RANBP2: variants seen among roughly 807,000 people sequenced by gnomAD.
The protein encoded by RANBP2 is RAN binding protein 2, also known as E3 SUMO-protein ligase RanBP2.
In RANBP2, 57 loss-of-function variants were observed where a neutral mutation model predicts 303.6. That is an observed-to-expected ratio of 0.19 (90% confidence interval 0.15 to 0.23). The LOEUF is 0.23. RANBP2 is among the 10% of genes least tolerant of loss of function. The pLI, the probability that RANBP2 is intolerant of heterozygous loss-of-function variation, is 1.00. For missense variants in RANBP2, 3,138 were observed against 3,780.8 expected, an observed-to-expected ratio of 0.83 and a Z score of 4.46; for synonymous variants, 1,167 against 1,301.5, an observed-to-expected ratio of 0.90 and a Z score of 2.23.
At chr2:108,814,722 G>A in the RANBP2 span, among the ~76,000 whole-genome samples, 1 of 148,486 alleles carries the variant, frequency 6.7e-6, no homozygotes, top group Non-Finnish European at 1.5e-5. Context: ...AGGCTGGAGT[G>A]CAGTGGTGCA....
the RANBP2 span, among the ~76,000 whole-genome samples, chr2:108,913,998 T>G: frequency 6.7e-6 from 1 of 149,182 alleles, no homozygotes; most frequent in Admixed American, 6.7e-5. Flanking sequence ...CGGTAGCTCA[T>G]GCCTATAATC....
At chr2:109,419,741 G>T in the RANBP2 span, 1 of 1,153,918 alleles carries the variant, frequency 8.7e-7, no homozygotes, top group Non-Finnish European at 1.2e-6. Flanking sequence ...GTTTTCCCAT[G>T]TGTTACTAGT....
At chr2:109,145,690 C>T in the RANBP2 span, among the ~76,000 whole-genome samples, 5 of 152,230 alleles carry the variant, frequency 3.3e-5, no homozygotes, top group Admixed American at 6.5e-5. Context: ...GGTTGTTTTA[C>T]AGGTCTTGGG....
chr2:109,318,835 G>A, the RANBP2 span, among the ~76,000 whole-genome samples: 15 of 152,356 alleles, frequency 9.8e-5, no homozygotes, highest in Non-Finnish European at 2.2e-4. Flanking sequence ...GGCAGACATT[G>A]GCTTGGAGAA....
chr2:108,944,975 C>T, the RANBP2 span, among the ~76,000 whole-genome samples: 1 of 152,172 alleles, frequency 6.6e-6, no homozygotes, highest in African/African-American at 2.4e-5. Flanking sequence ...GTGCAAAGGG[C>T]AAGGTTTCAG....
chr2:108,779,245 C>G (rs1678080938), intron 25 of RANBP2, among the ~76,000 whole-genome samples: 1 of 152,118 alleles, frequency 6.6e-6, no homozygotes, highest in African/African-American at 2.4e-5. Context: ...TTACTGCAAC[C>G]TCTGCTTGCT....
At chr2:109,509,138 A>G in the RANBP2 span, among the ~76,000 whole-genome samples, 1 of 152,274 alleles carries the variant, frequency 6.6e-6, no homozygotes, top group East Asian at 1.9e-4. Context: ...CTACTCATTC[A>G]TTCAACAGCT....
the RANBP2 span, chr2:109,615,867 G>C: frequency 1.2e-6 from 2 of 1,613,866 alleles, no homozygotes; most frequent in South Asian, 2.2e-5. Flanking sequence ...AGGGCGCAAA[G>C]CCTCGGGCAG....
At chr2:109,538,823 T>C in the RANBP2 span, among the ~76,000 whole-genome samples, 75 of 152,330 alleles carry the variant, frequency 4.9e-4, no homozygotes, top group African/African-American at 1.3e-3. Flanking sequence ...CTGGCCTGCA[T>C]TGTCTTTGTT....
the RANBP2 span, chr2:109,251,765 T>C: frequency 3.5e-6 from 2 of 565,550 alleles, no homozygotes; most frequent in Admixed American, 5.9e-5. Flanking sequence ...AATAAACTTT[T>C]GTAATAGTCA....
At chr2:109,713,253 C>T in the RANBP2 span, among the ~76,000 whole-genome samples, 18 of 152,296 alleles carry the variant, frequency 1.2e-4, no homozygotes, top group African/African-American at 4.3e-4. Context: ...TACGAATCTC[C>T]AGGACAGGTT....
the RANBP2 span, among the ~76,000 whole-genome samples, chr2:109,334,271 T>C: frequency 6.7e-6 from 1 of 149,844 alleles, no homozygotes; most frequent in Non-Finnish European, 1.5e-5. Context: ...GGTGGGAGGA[T>C]TGCTTGAGCC....
the RANBP2 span, among the ~76,000 whole-genome samples, chr2:109,165,184 C>T: frequency 2.7e-5 from 3 of 111,170 alleles, no homozygotes; most frequent in South Asian, 1.2e-3. Flanking sequence ...ATTAAATCAT[C>T]ACCCTCAAAA....
chr2:109,293,863 C>T, the RANBP2 span, among the ~76,000 whole-genome samples: 14 of 152,216 alleles, frequency 9.2e-5, no homozygotes, highest in Non-Finnish European at 1.6e-4. Flanking sequence ...TCCTCTACCT[C>T]ACATTTCCCT....
In RANBP2 at chr2:108,782,560, A is replaced by C. The variant is rs754606906; in HGVS notation, c.9067A>C (p.Arg3023=). The C allele has an allele frequency of 6.2e-7, 1 of 1,614,218 alleles. No homozygotes were observed. Among genetic ancestry groups the C allele is most frequent in the Non-Finnish European group, 8.5e-7 (1 of 1,180,032 alleles). ...GEAKVEQLAV[R]FKTKEVADCF... is the part of the protein sequence containing the mutation. Reference sequence around the variant, plus strand: ...AGCAAAAGTAGAACAGCTTGCAGTGAGATTTAAAACTAAAGAAGTAGCTGA... The same window carrying C: ...AGCAAAAGTAGAACAGCTTGCAGTGCGATTTAAAACTAAAGAAGTAGCTGA... The change falls in exon 28 of 29, where the codon AGA becomes CGA. Residue 3023 remains arginine (R), a synonymous_variant. Transcript: ENST00000283195.
the RANBP2 span, among the ~76,000 whole-genome samples, chr2:109,126,764 G>A: frequency 1.3e-5 from 2 of 152,180 alleles, no homozygotes; most frequent in East Asian, 1.9e-4. Flanking sequence ...GAGATGCCTC[G>A]TATTATTAGT....
the RANBP2 span, among the ~76,000 whole-genome samples, chr2:109,124,003 T>C: frequency 3.3e-5 from 5 of 151,204 alleles, no homozygotes; most frequent in Non-Finnish European, 7.4e-5. Flanking sequence ...TTTATTTATT[T>C]ATTTATTTAT....
the RANBP2 span, among the ~76,000 whole-genome samples, chr2:108,891,651 G>C: frequency 6.6e-6 from 1 of 152,206 alleles, no homozygotes; most frequent in Non-Finnish European, 1.5e-5. Context: ...TGGGCCTCCA[G>C]GTGGCTTGTT....
the RANBP2 span, among the ~76,000 whole-genome samples, chr2:108,865,667 G>A: frequency 6.6e-6 from 1 of 152,100 alleles, no homozygotes; most frequent in Non-Finnish European, 1.5e-5. Context: ...GGTCCCTTCA[G>A]CTTCTGAGAC....
Sources: allele counts gnomAD v4.1 joint callset (sites outside exome capture counted in the v4.1 genomes callset), GRCh38; gene constraint gnomAD v4.1.1; transcripts MANE v1.5; gene names NCBI Gene and HGNC (gene_info 2026-07-23, HGNC 2026-07-21).